Variants in ZNF385D observed in about 807,000 individuals in gnomAD.
ZNF385D encodes the protein zinc finger protein 659.
In ZNF385D, 15 loss-of-function variants were observed where a neutral mutation model predicts 35.8. The ratio of observed to expected loss-of-function variants is 0.42; its 90% CI spans 0.28 to 0.64. ZNF385D has a LOEUF of 0.64. Ranked by LOEUF, ZNF385D falls within the 30% of genes least tolerant of loss-of-function variation. The pLI, the probability that ZNF385D is intolerant of heterozygous loss-of-function variation, is 0.23. For synonymous variants in ZNF385D, 212 were observed against 186.8 expected (o/e 1.13, Z -1.10); for missense variants, 474 against 494.6 (o/e 0.96, Z 0.39).
At chr3:22,193,124 A>C (rs1696171486) in intron 2 of ZNF385D, among the ~76,000 whole-genome samples, 1 of 152,166 alleles carries the variant, frequency 6.6e-6, no homozygotes, top group Non-Finnish European at 1.5e-5. Flanking sequence ...TTAAATTTTA[A>C]TTGTTTGAAA....
intron 3 of ZNF385D, among the ~76,000 whole-genome samples, chr3:21,988,277 G>T (rs1270537623): frequency 8.3e-6 from 1 of 120,404 alleles, no homozygotes; most frequent in Non-Finnish European, 1.8e-5. Context: ...TTTCTGTTCT[G>T]TTTTTTCCCC....
At chr3:22,105,743 A>C (rs1368153926) in intron 3 of ZNF385D, among the ~76,000 whole-genome samples, 1 of 152,124 alleles carries the variant, frequency 6.6e-6, no homozygotes. Context: ...GGTGATGCCT[A>C]CCAACATTGG....
intron 3 of ZNF385D, among the ~76,000 whole-genome samples, chr3:21,970,183 T>A (rs1017064808): frequency 6.6e-6 from 1 of 152,056 alleles, no homozygotes; most frequent in African/African-American, 2.4e-5. Context: ...CTGACAAGCA[T>A]TAAAACCATC....
At chr3:22,014,531 G>T (rs1696767447) in intron 3 of ZNF385D, among the ~76,000 whole-genome samples, 1 of 152,110 alleles carries the variant, frequency 6.6e-6, no homozygotes, top group South Asian at 2.1e-4. Flanking sequence ...GCTATGTTAA[G>T]AAAGTTTGAA....
intron 3 of ZNF385D, among the ~76,000 whole-genome samples, chr3:21,949,546 C>CTTTTTTTTTTTTTTTTTTTTTTTTTTTTT: frequency 3.2e-5 from 1 of 31,166 alleles, no homozygotes; most frequent in Non-Finnish European, 6.6e-5. Flanking sequence ...TCCTTCTTTT[C>CTTTTTTTTTTTTTTTTTTTTTTTTTTTTT]TTTCTTTCTT....
chr3:21,967,581 C>T (rs1702982971), intron 3 of ZNF385D, among the ~76,000 whole-genome samples: 1 of 152,180 alleles, frequency 6.6e-6, no homozygotes, highest in African/African-American at 2.4e-5. Context: ...ATTTTCTGCC[C>T]ATTGGCTTCT....
chr3:21,585,201 A>C (rs1376254299), intron 2 of ZNF385D, among the ~76,000 whole-genome samples: 1 of 152,208 alleles, frequency 6.6e-6, no homozygotes, highest in Non-Finnish European at 1.5e-5. Flanking sequence ...ATTGTTGCTC[A>C]TATTTGACCA....
intron 3 of ZNF385D, among the ~76,000 whole-genome samples, chr3:21,530,453 G>A (rs1417429038): frequency 6.6e-6 from 1 of 152,084 alleles, no homozygotes; most frequent in Non-Finnish European, 1.5e-5. Flanking sequence ...GAACATTTTT[G>A]TAGAAGGAAT....
intron 2 of ZNF385D, among the ~76,000 whole-genome samples, chr3:21,641,251 G>A (rs2065595886): frequency 6.6e-6 from 1 of 151,902 alleles, no homozygotes; most frequent in African/African-American, 2.4e-5. Context: ...GTGCTCTTGG[G>A]TTTAGTTGAG....
intron 2 of ZNF385D, among the ~76,000 whole-genome samples, chr3:21,640,149 C>T (rs2065560894): frequency 6.6e-6 from 1 of 152,058 alleles, no homozygotes; most frequent in Non-Finnish European, 1.5e-5. Flanking sequence ...GGACTCCACT[C>T]TGTGCTGTGA....
chr3:21,629,823 A>T (rs1427383474), intron 2 of ZNF385D, among the ~76,000 whole-genome samples: 1 of 152,138 alleles, frequency 6.6e-6, no homozygotes, highest in Non-Finnish European at 1.5e-5. Flanking sequence ...GCAAAACTGG[A>T]ACACACTGGA....
chr3:21,743,494 T>C (rs2069617981), intron 1 of ZNF385D, among the ~76,000 whole-genome samples: 1 of 152,220 alleles, frequency 6.6e-6, no homozygotes, highest in Admixed American at 6.5e-5. Flanking sequence ...TTTCTCACGG[T>C]TCTGGAGGCT....
intron 2 of ZNF385D, among the ~76,000 whole-genome samples, chr3:21,641,958 G>A (rs2065619540): frequency 6.6e-6 from 1 of 152,094 alleles, no homozygotes; most frequent in Admixed American, 6.6e-5. Flanking sequence ...CTACCTGAAG[G>A]CAAGGCATGT....
intron 2 of ZNF385D, among the ~76,000 whole-genome samples, chr3:22,307,745 T>TA (rs1489826448): frequency 9.4e-5 from 10 of 105,936 alleles, no homozygotes; most frequent in Admixed American, 2.1e-4. Flanking sequence ...TGCCTCTGTT[T>TA]TAAAAAAAAA....
chr3:21,591,980 T>C (rs1270415602), intron 2 of ZNF385D, among the ~76,000 whole-genome samples: 1 of 152,174 alleles, frequency 6.6e-6, no homozygotes, highest in African/African-American at 2.4e-5. Flanking sequence ...TCATCTTTAC[T>C]GGCTGTTCAA....
At chr3:21,642,810 C>T (rs1279571496) in intron 2 of ZNF385D, among the ~76,000 whole-genome samples, 1 of 151,974 alleles carries the variant, frequency 6.6e-6, no homozygotes, top group East Asian at 1.9e-4. Flanking sequence ...ATGGGTGAAC[C>T]TTGAGGACAT....
intron 2 of ZNF385D, among the ~76,000 whole-genome samples, chr3:22,247,338 G>A (rs968831185): frequency 2.0e-5 from 3 of 152,006 alleles, no homozygotes; most frequent in African/African-American, 4.8e-5. Flanking sequence ...TAGAAAGTGT[G>A]TATATTTAGC....
At chr3:21,867,036 T>C (rs1235121582) in intron 3 of ZNF385D, among the ~76,000 whole-genome samples, 1 of 152,010 alleles carries the variant, frequency 6.6e-6, no homozygotes, top group Non-Finnish European at 1.5e-5. Flanking sequence ...TACCTTGAGG[T>C]TGGAGAGAAG....
At chr3:22,245,378 C>T (rs116008024) in intron 2 of ZNF385D, among the ~76,000 whole-genome samples, 1 of 151,048 alleles carries the variant, frequency 6.6e-6, no homozygotes, top group African/African-American at 2.4e-5. Flanking sequence ...CATGCTGCTA[C>T]TTACACTGCA....
Sources: gnomAD v4.1 joint callset for allele counts (sites outside exome capture counted in the v4.1 genomes callset) on GRCh38, gnomAD v4.1.1 for gene constraint, MANE v1.5 for transcripts, NCBI Gene and HGNC (gene_info 2026-07-23, HGNC 2026-07-21) for gene names.